Variants in METTL2B observed in about 807,000 individuals in gnomAD.
The protein encoded by METTL2B is tRNA N(3)-cytidine methyltransferase METTL2B.
METTL2B carries 28 observed loss-of-function variants against 51.0 expected under a neutral mutation model. The ratio of observed to expected loss-of-function variants is 0.55; its 90% CI spans 0.41 to 0.75. The LOEUF (loss-of-function observed/expected upper bound fraction) is 0.75, where lower values mean the gene tolerates loss of function less well. Ranked by LOEUF, METTL2B falls within the 30% of genes least tolerant of loss-of-function variation. The pLI is 0.00. For synonymous variants in METTL2B, 128 were observed against 166.3 expected, an observed-to-expected ratio of 0.77 and a Z score of 1.77; for missense variants, 313 against 460.7, an observed-to-expected ratio of 0.68 and a Z score of 2.93.
At chr7:128,488,040 A>C (rs1792750672) in intron 4 of METTL2B, 61 bp from the exon 5 acceptor site, 2 of 1,199,512 alleles carry the variant, frequency 1.7e-6, no homozygotes, top group Non-Finnish European at 2.4e-6. Context: ...GCTACACAAG[A>C]ATGAGAGTAG....
chr7:128,500,059 C>T (rs886212966), intron 7 of METTL2B, among the ~76,000 whole-genome samples: 2 of 151,960 alleles, frequency 1.3e-5, no homozygotes, highest in African/African-American at 4.8e-5. Flanking sequence ...AAACTCCATC[C>T]CCGTATACCA....
rs747485676 is a variant in METTL2B, at chr7:128,497,991, T to A, written c.810-45T>A. On this transcript the variant is annotated intron_variant, in intron 6 of 8. Coordinates refer to ENST00000262432, the MANE Select transcript of METTL2B (RefSeq NM_018396.3). ...TATGCTACAGGGAAAGAGAACCCTGTCTTTAAGGAGACCTGATTAACTATA... is the reference window on the plus strand; with the variant it reads ...TATGCTACAGGGAAAGAGAACCCTGACTTTAAGGAGACCTGATTAACTATA... 16 of 1,600,498 alleles carry A rather than the reference T, an allele frequency of 1.0e-5. No homozygotes were observed. The South Asian group carries it at 1.5e-4, about 15-fold the overall frequency.
At chr7:128,484,686 A>G (rs976231290) in intron 4 of METTL2B, among the ~76,000 whole-genome samples, 12 of 151,638 alleles carry the variant, frequency 7.9e-5, no homozygotes, top group African/African-American at 2.9e-4. Context: ...TCTGCCTCCC[A>G]GTTTCAAGCG....
rs757538927 is a variant in METTL2B at position 128,500,922 on chromosome 7, T to C, written c.936T>C (p.Asn312=). ...CTGCAGGTCAGTGTCTATCTGGAAA[T>C]TTCTATGTGAGAGGTGATGGAACCA... The part of the protein sequence containing the change: ...RFKKGQCLSG[N]FYVRGDGTRV... The change falls in exon 8 of 9, where the codon AAT becomes AAC. Residue 312 remains asparagine, a synonymous_variant. Transcript: ENST00000262432. 1 of 1,614,116 alleles carries C rather than the reference T, an allele frequency of 6.2e-7. No homozygotes were observed. The highest frequency in any genetic ancestry group is 1.6e-4 in the Middle Eastern group (1 of 6,062).
intron 5 of METTL2B, chr7:128,488,684 T>C: frequency 2.8e-6 from 1 of 352,916 alleles, no homozygotes; most frequent in South Asian, 2.2e-5. Context: ...CACTTCATAC[T>C]CTACAGTGTC....
chr7:128,487,114 T>C lies in METTL2B; in HGVS notation c.609-987T>C, dbSNP rs537494162. 3.9e-5 allele frequency among the ~76,000 whole-genome samples: 6 copies of C among 152,304 alleles called. No homozygotes were observed. The South Asian group carries it at 1.0e-3, about 26-fold the overall frequency. On this transcript the variant is annotated intron_variant, in intron 4 of 8. Coordinates refer to ENST00000262432, the MANE Select transcript of METTL2B (RefSeq NM_018396.3). The stretch of plus-strand genomic sequence containing the variant: ...GGGACTGAGAAACTGAATTTTTAAT[T>C]TAAGTAGCCACAGGTAGCTAGTGAT...
At position 128,502,095 on chromosome 7, in the gene METTL2B, T is replaced by C. The variant is rs1584799211; in HGVS notation, c.*179T>C. 4 of 713,332 alleles carry C rather than the reference T, an allele frequency of 5.6e-6. No individual in the cohort carries two copies. In the East Asian group the frequency reaches 8.3e-5, roughly 15 times the overall value. 44.2% of individuals were successfully genotyped at this position (713,332 alleles called of 1,614,324 possible). A position where few individuals can be genotyped will look rare whatever the true frequency, so the allele number is the denominator to read the frequency against. On this transcript the variant is annotated 3_prime_UTR_variant, in exon 9 of 9. Transcript: ENST00000262432. ...GCAAAATAGCGAGAGACCCTGAATCTGAAAGTAATGATAAAATAAAAAGAA... is the reference window on the plus strand; with the variant it reads ...GCAAAATAGCGAGAGACCCTGAATCCGAAAGTAATGATAAAATAAAAAGAA...
chr7:128,490,376 A>G (rs1179011128), intron 5 of METTL2B, among the ~76,000 whole-genome samples: 2 of 147,198 alleles, frequency 1.4e-5, no homozygotes, highest in Non-Finnish European at 3.0e-5. Context: ...TCCAGGCTGA[A>G]GTAGAGTGAC....
Position 128,480,633 on chromosome 7 carries a change from A to C in METTL2B, c.559-14A>C, listed in dbSNP as rs1799861598. ...TGGAAAGTTCTGTGATTAATAGTTC[A>C]TTTCTGTCTGCAGGTTGGCTGTGGT... On this transcript the variant is annotated splice_polypyrimidine_tract_variant and intron_variant, in intron 3 of 8. Coordinates refer to ENST00000262432, the MANE Select transcript of METTL2B (RefSeq NM_018396.3). 1 of 1,599,918 alleles carries C rather than the reference A, an allele frequency of 6.3e-7. No homozygotes were observed. The highest frequency in any genetic ancestry group is 1.7e-4 in the Middle Eastern group (1 of 5,996).
intron 4 of METTL2B, among the ~76,000 whole-genome samples, chr7:128,481,442 C>T (rs568485463): frequency 1.3e-5 from 2 of 152,328 alleles, no homozygotes; most frequent in South Asian, 4.1e-4. Context: ...TCAATAATTT[C>T]CTAGAATGGC....
At chr7:128,495,937 A>T (rs1792916297) in intron 6 of METTL2B, among the ~76,000 whole-genome samples, 1 of 152,194 alleles carries the variant, frequency 6.6e-6, no homozygotes, top group Non-Finnish European at 1.5e-5. Flanking sequence ...ACATCTCCTC[A>T]TTCTGTATCA....
rs1793065984 is a variant in METTL2B at position 128,503,355 on chromosome 7, A to G, written c.*1439A>G. 6.6e-6 allele frequency: 1 copy of G among 152,188 alleles called. No individual in the cohort carries two copies. The highest frequency in any genetic ancestry group is 1.5e-5 in the Non-Finnish European group (1 of 68,042). The allele number at this position is 152,188 out of a possible 1,614,324, so 9.4% of individuals were successfully genotyped here. Reference sequence around the variant, plus strand: ...ACTGCACCCTTAAGTGTTTGACACAAAAGGAATTGAGAGAACTTCTTAATT... The same window carrying G: ...ACTGCACCCTTAAGTGTTTGACACAGAAGGAATTGAGAGAACTTCTTAATT... On this transcript the variant is annotated 3_prime_UTR_variant, in exon 9 of 9. Transcript: ENST00000262432.
At position 128,506,548 on chromosome 7, in the gene METTL2B, A is replaced by G. The variant is rs1793122903; in HGVS notation, c.*4632A>G. On this transcript the variant is annotated 3_prime_UTR_variant, in exon 9 of 9. Coordinates refer to ENST00000262432, the MANE Select transcript of METTL2B (RefSeq NM_018396.3). ...AGGACTGTTACATGTGTTGGGAGGG[A>G]TTAAAGTATATGACCTCAGTGCCAC... 6.6e-6 allele frequency: 1 copy of G among 152,162 alleles called. No homozygotes were observed. The highest frequency in any genetic ancestry group is 1.5e-5 in the Non-Finnish European group (1 of 68,040). The allele number at this position is 152,162 out of a possible 1,614,324, so 9.4% of individuals were successfully genotyped here. A position where few individuals can be genotyped will look rare whatever the true frequency, so the allele number is the denominator to read the frequency against.
intron 5 of METTL2B, among the ~76,000 whole-genome samples, chr7:128,490,781 C>G (rs1024013107): frequency 2.0e-5 from 3 of 152,176 alleles, no homozygotes; most frequent in Non-Finnish European, 4.4e-5. Context: ...CTGATAAATA[C>G]AGCAGCCCTG....
chr7:128,505,036 G>A lies in METTL2B; in HGVS notation c.*3120G>A. On this transcript the variant is annotated 3_prime_UTR_variant, in exon 9 of 9. Transcript: ENST00000262432. ...CACTTGAATCTGGGAGGCAGAGGTTGCAGTGAGCCGAGATGGCGCCATTGC... is the reference window on the plus strand; with the variant it reads ...CACTTGAATCTGGGAGGCAGAGGTTACAGTGAGCCGAGATGGCGCCATTGC... 6.6e-6 allele frequency: 1 copy of A among 150,540 alleles called. No homozygotes were observed. The highest frequency in any genetic ancestry group is 1.5e-5 in the Non-Finnish European group (1 of 68,260). The allele number at this position is 150,540 out of a possible 1,614,324, so 9.3% of individuals were successfully genotyped here.
intron 7 of METTL2B, among the ~76,000 whole-genome samples, chr7:128,499,980 A>T (rs56329212): frequency 0.2 from 30,634 of 152,090 alleles, 3,422 homozygotes; most frequent in East Asian, 0.32. Context: ...TGGACCCCAT[A>T]CCACTGAACT....
chr7:128,490,030 C>A (rs1422774809), intron 5 of METTL2B, among the ~76,000 whole-genome samples: 1 of 152,106 alleles, frequency 6.6e-6, no homozygotes, highest in Non-Finnish European at 1.5e-5. Flanking sequence ...AGGATTTTGC[C>A]CACAGTAGAG....
At position 128,477,115 on chromosome 7, in the gene METTL2B, G is replaced by A; in HGVS notation, c.144G>A (p.Ala48=). The A allele has an allele frequency of 1.2e-6, 2 of 1,614,080 alleles. No homozygotes were observed. Among genetic ancestry groups the A allele is most frequent in the Non-Finnish European group, 1.7e-6 (2 of 1,179,978 alleles). Residue 48 remains alanine (A), a synonymous_variant, in exon 2 of 9, where the codon GCG becomes GCA. Coordinates refer to ENST00000262432, the MANE Select transcript of METTL2B (RefSeq NM_018396.3). ...DNVEWSEEQA[A]AAERKVQENS... ...TGGAGTGGTCGGAAGAGCAAGCCGC[G>A]GCGGCGGAGAGAAAAGTCCAGGAGA...
chr7:128,480,709 TA>T lies in METTL2B; in HGVS notation c.608+17del, dbSNP rs747847321. The T allele has an allele frequency of 6.2e-7, 1 of 1,601,996 alleles. No individual in the cohort carries two copies. Among genetic ancestry groups the T allele is most frequent in the East Asian group, 2.2e-5 (1 of 44,810 alleles). On this transcript the variant is annotated intron_variant, in intron 4 of 8. Transcript: ENST00000262432. The stretch of plus-strand genomic sequence containing the variant: ...TACAAACGAACAAGTAAGTATGTTG[TA>T]AAAGTTTATGATAGCAAAGAAGATA...
Sources: gnomAD v4.1 joint callset for allele counts (sites outside exome capture counted in the v4.1 genomes callset) on GRCh38, gnomAD v4.1.1 for gene constraint, MANE v1.5 for transcripts, NCBI Gene and HGNC (gene_info 2026-07-23, HGNC 2026-07-21) for gene names.